Variants in KCNT2 observed in about 807,000 individuals in gnomAD.
KCNT2 encodes potassium channel subfamily T member 2.
KCNT2 carries 67 observed loss-of-function variants against 153.8 expected under a neutral mutation model. The observed-to-expected ratio is 0.44, with a 90% CI of 0.36 to 0.53. KCNT2 has a LOEUF of 0.53. Among genes scored for constraint, KCNT2 ranks in the 20% least tolerant of loss-of-function variants. KCNT2 has a pLI of 0.00. For synonymous variants in KCNT2, 500 were observed against 458.8 expected (o/e 1.09, Z -1.15); for missense variants, 975 against 1,354.8 (o/e 0.72, Z 4.40).
At chr1:196,428,422 T>A (rs1164818550) in intron 9 of KCNT2, among the ~76,000 whole-genome samples, 153 bp from the exon 10 acceptor site, 1 of 152,106 alleles carries the variant, frequency 6.6e-6, no homozygotes, top group Non-Finnish European at 1.5e-5. Flanking sequence ...GACAGACTTT[T>A]CATATAATTT....
At chr1:196,541,873 A>G (rs1656423982) in intron 1 of KCNT2, among the ~76,000 whole-genome samples, 2 of 152,048 alleles carry the variant, frequency 1.3e-5, no homozygotes. Flanking sequence ...ATTTAAATAT[A>G]CCACCTATTC....
intron 8 of KCNT2, among the ~76,000 whole-genome samples, chr1:196,444,109 AGTATGT>A (rs1675480057): frequency 6.6e-6 from 1 of 151,278 alleles, no homozygotes; most frequent in Admixed American, 6.6e-5. Context: ...AGAGAGAGAG[AGTATGT>A]GTGTGTGTGT....
intron 1 of KCNT2, among the ~76,000 whole-genome samples, chr1:196,508,241 G>A (rs997014766): frequency 1.4e-5 from 2 of 145,588 alleles, no homozygotes; most frequent in Non-Finnish European, 3.0e-5. Flanking sequence ...AAAGAAATTG[G>A]ATCTCTATCT....
chr1:196,409,988 A>G (rs952619535), intron 12 of KCNT2, among the ~76,000 whole-genome samples: 2 of 151,666 alleles, frequency 1.3e-5, no homozygotes, highest in African/African-American at 4.8e-5. Flanking sequence ...TAACAATCCT[A>G]AGAGATATAA....
intron 26 of KCNT2, among the ~76,000 whole-genome samples, chr1:196,243,736 G>T (rs1395810840): frequency 6.6e-6 from 1 of 152,182 alleles, no homozygotes; most frequent in Non-Finnish European, 1.5e-5. Context: ...GTGCTCTGGG[G>T]TTCTAAATAA....
At chr1:196,249,985 A>G (rs1271057778) in intron 26 of KCNT2, among the ~76,000 whole-genome samples, 1 of 152,100 alleles carries the variant, frequency 6.6e-6, no homozygotes, top group East Asian at 1.9e-4. Context: ...ATATTCACAG[A>G]TATTTCATGT....
chr1:196,293,518 A>AT (rs1278128543), intron 22 of KCNT2, among the ~76,000 whole-genome samples: 2 of 152,144 alleles, frequency 1.3e-5, no homozygotes, highest in South Asian at 2.1e-4. Context: ...TGGCCTATTG[A>AT]TTTTTTTAAC....
intron 1 of KCNT2, among the ~76,000 whole-genome samples, chr1:196,570,462 C>T (rs980086162): frequency 1.3e-5 from 2 of 152,052 alleles, no homozygotes; most frequent in African/African-American, 4.8e-5. Context: ...GGAACCTCAT[C>T]CCAACACTTT....
intron 1 of KCNT2, among the ~76,000 whole-genome samples, chr1:196,560,985 A>G (rs1042659958): frequency 2.0e-5 from 3 of 151,934 alleles, no homozygotes; most frequent in Non-Finnish European, 2.9e-5. Context: ...GAGAATTTCT[A>G]GGTAGGAAGA....
Position 196,326,762 on chromosome 1 carries a change from C to A in KCNT2, c.2231G>T (p.Arg744Ile). The A allele has an allele frequency of 6.4e-7, 1 of 1,566,968 alleles. No individual in the cohort carries two copies. The highest frequency in any genetic ancestry group is 8.6e-7 in the Non-Finnish European group (1 of 1,162,580). Residue 744 changes from arginine to isoleucine, a missense_variant, in exon 19 of 28, where the codon AGA becomes ATA. Physicochemically the swap from Arg to Ile is moderately conservative, Grantham distance 97. Coordinates refer to ENST00000294725, the MANE Select transcript of KCNT2 (RefSeq NM_198503.5). ...TATGGGATTAAGTTCTTTCTTTGGT[C>A]TATAATATGCCCTGAGAGGAACAAT... ...NFIVPLRAYY[R>I]PKKELNPIVL...
chr1:196,278,070 T>C (rs1291905231), intron 25 of KCNT2, among the ~76,000 whole-genome samples: 1 of 152,178 alleles, frequency 6.6e-6, no homozygotes, highest in Non-Finnish European at 1.5e-5. Flanking sequence ...AATATACTCA[T>C]TCTTTTAAAA....
intron 1 of KCNT2, among the ~76,000 whole-genome samples, chr1:196,535,506 G>A (rs1251204844): frequency 1.3e-5 from 2 of 152,030 alleles, no homozygotes; most frequent in Non-Finnish European, 2.9e-5. Flanking sequence ...TCTAGTTTAG[G>A]CTGTTTAAAA....
At chr1:196,235,801 A>T (rs1225283333) in intron 27 of KCNT2, among the ~76,000 whole-genome samples, 185 bp downstream of exon 27, 2 of 151,474 alleles carry the variant, frequency 1.3e-5, no homozygotes, top group Non-Finnish European at 3.0e-5. Flanking sequence ...TACTGCTTTT[A>T]AACAATCATA....
intron 1 of KCNT2, among the ~76,000 whole-genome samples, chr1:196,575,068 G>T (rs1277594246): frequency 6.6e-6 from 1 of 151,924 alleles, no homozygotes; most frequent in African/African-American, 2.4e-5. Flanking sequence ...AAGTATAAAG[G>T]GAGAGTTTTA....
At chr1:196,385,542 A>G (rs1669898182) in intron 13 of KCNT2, among the ~76,000 whole-genome samples, 1 of 152,136 alleles carries the variant, frequency 6.6e-6, no homozygotes, top group Non-Finnish European at 1.5e-5. Context: ...TCATTAAAAA[A>G]TCGCCAAACA....
In KCNT2 at chr1:196,315,874, G is replaced by T. The variant is rs1302886007; in HGVS notation, c.2483+18C>A. ...TAGCACAAAGTAAGTGGCAAGGTTG[G>T]ATGATTCAGCCACTTACCTGAAGAG... On this transcript the variant is annotated intron_variant, in intron 21 of 27. Coordinates refer to ENST00000294725, the MANE Select transcript of KCNT2 (RefSeq NM_198503.5). The T allele has an allele frequency of 6.3e-7, 1 of 1,593,284 alleles. No individual in the cohort carries two copies. The highest frequency in any genetic ancestry group is 1.7e-4 in the Middle Eastern group (1 of 5,946).
chr1:196,386,234 A>G (rs916933875), intron 13 of KCNT2, among the ~76,000 whole-genome samples: 7 of 152,188 alleles, frequency 4.6e-5, no homozygotes, highest in Admixed American at 6.6e-5. Context: ...CTGCAACTAC[A>G]CTAAATAACC....
At chr1:196,242,188 CA>C (rs903074619) in intron 26 of KCNT2, among the ~76,000 whole-genome samples, 1 of 152,040 alleles carries the variant, frequency 6.6e-6, no homozygotes, top group African/African-American at 2.4e-5. Context: ...CAAAACTATA[CA>C]GATTGTCTTC....
At chr1:196,403,828 G>C (rs997376365) in intron 12 of KCNT2, among the ~76,000 whole-genome samples, 4 of 151,614 alleles carry the variant, frequency 2.6e-5, no homozygotes, top group Non-Finnish European at 4.4e-5. Context: ...CACTTCAGAG[G>C]TTACAAAAAT....
Sources: allele counts gnomAD v4.1 joint callset (sites outside exome capture counted in the v4.1 genomes callset), GRCh38; gene constraint gnomAD v4.1.1; transcripts MANE v1.5; gene names NCBI Gene and HGNC (gene_info 2026-07-23, HGNC 2026-07-21).